Variants in MARK3 observed in about 807,000 individuals in gnomAD.
MARK3 encodes microtubule affinity regulating kinase 3, also known as MAP/microtubule affinity-regulating kinase 3.
MARK3 carries 46 observed loss-of-function variants against 90.1 expected under a neutral mutation model. That is an observed-to-expected ratio of 0.51 (90% confidence interval 0.40 to 0.65). MARK3 has a LOEUF of 0.65. Ranked by LOEUF, MARK3 falls within the 30% of genes least tolerant of loss-of-function variation. The pLI is 0.00. For missense variants in MARK3, 818 were observed against 947.2 expected (o/e 0.86, Z 1.79); for synonymous variants, 321 against 332.6 (o/e 0.97, Z 0.38).
chr14:103,478,786 G>A (rs182824115), intron 13 of MARK3, among the ~76,000 whole-genome samples: 14 of 152,206 alleles, frequency 9.2e-5, no homozygotes, highest in African/African-American at 3.1e-4. Context: ...TGATCCACCC[G>A]CCTCGGCCTC....
Position 103,445,883 on chromosome 14 carries a change from C to T in MARK3, c.298-3036C>T, listed in dbSNP as rs1056262304. ...CAACTCTGTAACAAGCATTGTGCTGCGGAGGATTTAAAAGCTATGTGGTCA... is the reference window on the plus strand; with the variant it reads ...CAACTCTGTAACAAGCATTGTGCTGTGGAGGATTTAAAAGCTATGTGGTCA... On this transcript the variant is annotated intron_variant, in intron 3 of 17. Coordinates refer to ENST00000429436, the MANE Select transcript of MARK3 (RefSeq NM_001128918.3). Among the ~76,000 whole-genome samples, 7 of 152,198 alleles carry T rather than the reference C, an allele frequency of 4.6e-5. No homozygotes were observed. The East Asian group carries it at 5.8e-4, about 13-fold the overall frequency.
rs531253609 is a variant in MARK3 at position 103,412,686 on chromosome 14, G to A, written c.243+7419G>A. The A allele has an allele frequency of 8.9e-6, 7 of 787,850 alleles. No individual in the cohort carries two copies. In the East Asian group the frequency reaches 2.0e-4, roughly 23 times the overall value. 48.8% of individuals were successfully genotyped at this position (787,850 alleles called of 1,614,324 possible). A position where few individuals can be genotyped will look rare whatever the true frequency, so the allele number is the denominator to read the frequency against. On this transcript the variant is annotated intron_variant, in intron 2 of 17. Transcript: ENST00000429436. ...AACTCCACCATCTTCAGGAACTTGG[G>A]GCACTTTCACTGGTTCCCGTGCAGG...
intron 1 of MARK3, among the ~76,000 whole-genome samples, chr14:103,398,746 T>G (rs1646997041): frequency 6.6e-6 from 1 of 152,250 alleles, no homozygotes; most frequent in African/African-American, 2.4e-5. Context: ...ATTGCCTAGC[T>G]GCTTTCAAAA....
chr14:103,387,708 G>A (rs1040109853), intron 1 of MARK3, among the ~76,000 whole-genome samples: 2 of 151,736 alleles, frequency 1.3e-5, no homozygotes, highest in Non-Finnish European at 2.9e-5. Flanking sequence ...GGCCAGGCTG[G>A]TCTAGAACTC....
At chr14:103,403,412 GA>G (rs1366275364) in intron 1 of MARK3, among the ~76,000 whole-genome samples, 1 of 149,964 alleles carries the variant, frequency 6.7e-6, no homozygotes, top group Non-Finnish European at 1.5e-5. Context: ...AAGAAATTCA[GA>G]AGATAAAAAA....
intron 1 of MARK3, among the ~76,000 whole-genome samples, chr14:103,394,264 A>G (rs1410428845): frequency 6.6e-6 from 1 of 152,196 alleles, no homozygotes; most frequent in Non-Finnish European, 1.5e-5. Context: ...TGAAGGAGAA[A>G]ATAAATCTCT....
At position 103,467,194 on chromosome 14, in the gene MARK3, A is replaced by G. The variant is rs961947501; in HGVS notation, c.1110+3A>G. On this transcript the variant is annotated splice_donor_region_variant and intron_variant, in intron 11 of 17. Coordinates refer to ENST00000429436, the MANE Select transcript of MARK3 (RefSeq NM_001128918.3). ...TATTGGGGAGAAAATCTTCAGAGGTAAGAGTAATCAGAAAGAGCTGAAATA... is the reference window on the plus strand; with the variant it reads ...TATTGGGGAGAAAATCTTCAGAGGTGAGAGTAATCAGAAAGAGCTGAAATA... 15 of 1,463,888 alleles carry G rather than the reference A, an allele frequency of 1.0e-5. No individual in the cohort carries two copies. The highest frequency in any genetic ancestry group is 2.8e-5 in the African/African-American group (2 of 71,634). 90.7% of individuals were successfully genotyped at this position (1,463,888 alleles called of 1,614,324 possible). A position where few individuals can be genotyped will look rare whatever the true frequency, so the allele number is the denominator to read the frequency against.
chr14:103,419,384 A>G (rs2092108032), intron 2 of MARK3, among the ~76,000 whole-genome samples: 1 of 152,346 alleles, frequency 6.6e-6, no homozygotes, highest in Non-Finnish European at 1.5e-5. Flanking sequence ...GGAAGTTATT[A>G]CTTAGGAAAC....
chr14:103,450,435 TG>T (rs2093107414), intron 4 of MARK3, among the ~76,000 whole-genome samples: 1 of 152,228 alleles, frequency 6.6e-6, no homozygotes. Flanking sequence ...AATTGTGACC[TG>T]ATTAGAGTTT....
At chr14:103,444,530 G>A (rs2092944459) in intron 3 of MARK3, among the ~76,000 whole-genome samples, 1 of 152,236 alleles carries the variant, frequency 6.6e-6, no homozygotes, top group Non-Finnish European at 1.5e-5. Flanking sequence ...TGTAATCCCA[G>A]CACTTTGGGA....
intron 1 of MARK3, among the ~76,000 whole-genome samples, chr14:103,388,168 T>C (rs1450299784): frequency 6.6e-6 from 1 of 152,234 alleles, no homozygotes; most frequent in East Asian, 1.9e-4. Flanking sequence ...CGACTTCAGG[T>C]GATCCTCCCG....
At chr14:103,409,435 T>TAAAAAAAAAAAAAAAAAAAAAAA (rs61200962) in intron 2 of MARK3, among the ~76,000 whole-genome samples, 1 of 93,422 alleles carries the variant, frequency 1.1e-5, no homozygotes, top group Non-Finnish European at 2.1e-5. Context: ...GAACTTAAAG[T>TAAAAAAAAAAAAAAAAAAAAAAA]AAAAAAAAAA....
At chr14:103,429,345 G>T (rs972412604) in intron 3 of MARK3, 2 of 152,156 alleles carry the variant, frequency 1.3e-5, no homozygotes, top group Non-Finnish European at 2.9e-5. Context: ...TCTTTAAAAT[G>T]GAGATAATTT....
At chr14:103,502,018 G>C (rs142381421) in intron 17 of MARK3, among the ~76,000 whole-genome samples, 1 of 152,346 alleles carries the variant, frequency 6.6e-6, no homozygotes, top group Non-Finnish European at 1.5e-5. Context: ...GGCACTCACT[G>C]TCTTAATTGA....
chr14:103,410,029 CTT>C (rs2091540336), intron 2 of MARK3, among the ~76,000 whole-genome samples: 1 of 152,170 alleles, frequency 6.6e-6, no homozygotes, highest in Non-Finnish European at 1.5e-5. Flanking sequence ...GATGTACCTA[CTT>C]TATTATTCTA....
At chr14:103,399,568 G>A (rs1000523981) in intron 1 of MARK3, among the ~76,000 whole-genome samples, 16 of 151,752 alleles carry the variant, frequency 1.1e-4, no homozygotes, top group African/African-American at 3.1e-4. Flanking sequence ...GCACGGTGGC[G>A]GGTACCTGTA....
intron 14 of MARK3, among the ~76,000 whole-genome samples, chr14:103,485,903 A>C (rs868783326): frequency 6.6e-6 from 1 of 152,186 alleles, no homozygotes; most frequent in Non-Finnish European, 1.5e-5. Flanking sequence ...ATTTTAAAAG[A>C]TAGTCATGAA....
chr14:103,402,021 G>A (rs2090993574), intron 1 of MARK3, among the ~76,000 whole-genome samples: 1 of 152,170 alleles, frequency 6.6e-6, no homozygotes, highest in Non-Finnish European at 1.5e-5. Flanking sequence ...TGTCGTGGGA[G>A]AGGAAGAAGA....
intron 2 of MARK3, among the ~76,000 whole-genome samples, chr14:103,420,636 G>A (rs1170981575): frequency 6.6e-6 from 1 of 151,924 alleles, no homozygotes; most frequent in East Asian, 1.9e-4. Flanking sequence ...GTACATTATT[G>A]GGCAACCATC....
Sources: gnomAD v4.1 joint callset for allele counts (sites outside exome capture counted in the v4.1 genomes callset) on GRCh38, gnomAD v4.1.1 for gene constraint, MANE v1.5 for transcripts, NCBI Gene and HGNC (gene_info 2026-07-23, HGNC 2026-07-21) for gene names.